Variants in GALNT14 observed in about 807,000 individuals in gnomAD.
GALNT14 encodes polypeptide N-acetylgalactosaminyltransferase 14.
In GALNT14, 60 loss-of-function variants were observed where a neutral mutation model predicts 77.5. The ratio of observed to expected loss-of-function variants is 0.77; its 90% confidence interval spans 0.63 to 0.96. The LOEUF (loss-of-function observed/expected upper bound fraction) is 0.96, where lower values mean the gene tolerates loss of function less well. Ranked by LOEUF, GALNT14 falls within the 40% of genes least tolerant of loss-of-function variation. The pLI, the probability that GALNT14 is intolerant of heterozygous loss-of-function variation, is 0.00. For missense variants in GALNT14, 710 were observed against 731.0 expected (o/e 0.97, Z 0.33); for synonymous variants, 280 against 281.7 (o/e 0.99, Z 0.06).
chr2:30,911,156 A>C, intron 14 of GALNT14, 97 bp from the exon 15 acceptor site: 1 of 1,064,612 alleles, frequency 9.4e-7, no homozygotes. Flanking sequence ...GTCTAGGGTC[A>C]CTGAGAGACT....
chr2:30,982,168 A>G (rs1175523530), intron 2 of GALNT14, among the ~76,000 whole-genome samples: 2 of 152,210 alleles, frequency 1.3e-5, no homozygotes, highest in Non-Finnish European at 2.9e-5. Flanking sequence ...TTAAACCACA[A>G]TAAGACACCA....
chr2:30,957,184 C>T (rs937397347), intron 4 of GALNT14, among the ~76,000 whole-genome samples: 5 of 152,150 alleles, frequency 3.3e-5, no homozygotes, highest in Admixed American at 2.6e-4. Context: ...AAAAGACTTA[C>T]ACAGGCTTCT....
At chr2:31,076,096 T>C (rs546426776) in intron 1 of GALNT14, among the ~76,000 whole-genome samples, 2 of 152,288 alleles carry the variant, frequency 1.3e-5, no homozygotes, top group African/African-American at 4.8e-5. Flanking sequence ...CCACTGTGTA[T>C]AGATAACAGC....
chr2:30,992,647 C>T (rs566080037), intron 2 of GALNT14, among the ~76,000 whole-genome samples, 191 bp downstream of exon 2: 2 of 152,144 alleles, frequency 1.3e-5, no homozygotes, highest in Non-Finnish European at 2.9e-5. Context: ...TTTGGGATTG[C>T]TCTCAGCAGT....
At chr2:31,122,265 C>T (rs978807771) in intron 1 of GALNT14, among the ~76,000 whole-genome samples, 27 of 152,218 alleles carry the variant, frequency 1.8e-4, no homozygotes, top group African/African-American at 6.3e-4. Context: ...AATGATGAAA[C>T]AGCCGTGATG....
chr2:30,944,752 C>A (rs1341094879), intron 8 of GALNT14, 106 bp downstream of exon 8: 2 of 901,300 alleles, frequency 2.2e-6, no homozygotes, highest in African/African-American at 3.3e-5. Flanking sequence ...AAAGGGCTCC[C>A]TTTGTCTGCT....
chr2:31,124,976 C>A (rs1405997390), intron 1 of GALNT14, among the ~76,000 whole-genome samples: 1 of 152,234 alleles, frequency 6.6e-6, no homozygotes, highest in Non-Finnish European at 1.5e-5. Flanking sequence ...TTGACAGTCA[C>A]TTGCGCCACT....
intron 1 of GALNT14, among the ~76,000 whole-genome samples, chr2:31,121,627 C>T (rs1678418576): frequency 1.3e-5 from 2 of 152,120 alleles, no homozygotes; most frequent in Non-Finnish European, 2.9e-5. Flanking sequence ...ATGCTGAGTC[C>T]TGCCACCTTA....
the GALNT14 span, among the ~76,000 whole-genome samples, chr2:30,897,719 C>T: frequency 6.6e-6 from 1 of 152,214 alleles, no homozygotes; most frequent in South Asian, 2.1e-4. Flanking sequence ...GGACCCGTTT[C>T]CTGTGCAGAG....
intron 2 of GALNT14, among the ~76,000 whole-genome samples, chr2:30,971,212 C>G (rs572392458): frequency 6.6e-6 from 1 of 152,262 alleles, no homozygotes; most frequent in South Asian, 2.1e-4. Flanking sequence ...AAAGATCAAT[C>G]AAACAGTGAG....
At chr2:31,042,150 T>C (rs1168529277) in intron 1 of GALNT14, among the ~76,000 whole-genome samples, 2 of 152,142 alleles carry the variant, frequency 1.3e-5, no homozygotes, top group African/African-American at 2.4e-5. Flanking sequence ...TGGAGATCCA[T>C]AGTCATCCAG....
the GALNT14 span, among the ~76,000 whole-genome samples, chr2:30,897,629 T>C: frequency 1.3e-5 from 2 of 152,192 alleles, no homozygotes; most frequent in African/African-American, 2.4e-5. Flanking sequence ...CCTTTTGTGG[T>C]GTCTCCTGCC....
chr2:31,005,991 G>A (rs1423061379), intron 1 of GALNT14, among the ~76,000 whole-genome samples: 3 of 152,212 alleles, frequency 2.0e-5, no homozygotes, highest in Admixed American at 2.0e-4. Context: ...GGTGAGATTA[G>A]AAGCCTGGAC....
intron 1 of GALNT14, among the ~76,000 whole-genome samples, chr2:31,106,566 T>G (rs1677569909): frequency 6.6e-6 from 1 of 152,200 alleles, no homozygotes; most frequent in Non-Finnish European, 1.5e-5. Flanking sequence ...CCAGCTCACA[T>G]TTCACCACCT....
downstream of GALNT14, among the ~76,000 whole-genome samples, chr2:30,907,025 C>A (rs1409726690): frequency 3.9e-5 from 6 of 152,150 alleles, no homozygotes; most frequent in Non-Finnish European, 8.8e-5. Flanking sequence ...AACAAAGACA[C>A]AACACACCAG....
chr2:31,082,602 G>C (rs979167263), intron 1 of GALNT14, among the ~76,000 whole-genome samples: 1 of 152,192 alleles, frequency 6.6e-6, no homozygotes, highest in African/African-American at 2.4e-5. Flanking sequence ...TGCCTCTGCT[G>C]CCTGAAGGGT....
intron 11 of GALNT14, 122 bp from the exon 12 acceptor site, chr2:30,924,945 C>T (rs1665278756): frequency 3.0e-6 from 2 of 676,994 alleles, no homozygotes; most frequent in South Asian, 3.7e-5. Context: ...TCTGTGCTCA[C>T]ATCTCTCTGG....
At chr2:30,987,710 TCCC>T (rs1323696197) in intron 2 of GALNT14, among the ~76,000 whole-genome samples, 20 of 11,652 alleles carry the variant, frequency 1.7e-3, no homozygotes, top group South Asian at 7.2e-3. Flanking sequence ...TCCTCCTCCC[TCCC>T]CCTCCTCCCC....
chr2:30,985,277 G>T (rs1669227459), intron 2 of GALNT14, among the ~76,000 whole-genome samples: 1 of 152,184 alleles, frequency 6.6e-6, no homozygotes, highest in South Asian at 2.1e-4. Context: ...CAGTGTTGTT[G>T]ACTGGTCCCC....
Sources: gnomAD v4.1 joint callset for allele counts (sites outside exome capture counted in the v4.1 genomes callset) on GRCh38, gnomAD v4.1.1 for gene constraint, MANE v1.5 for transcripts, NCBI Gene and HGNC (gene_info 2026-07-23, HGNC 2026-07-21) for gene names.